The following GABBR2 variants were observed in gnomAD, a reference collection of about 807,000 sequenced individuals.
GABBR2 encodes G-protein coupled receptor 51.
A neutral mutation model predicts 105.6 loss-of-function variants in GABBR2; 23 were observed. The ratio of observed to expected loss-of-function variants is 0.22; its 90% confidence interval spans 0.16 to 0.31. The LOEUF (loss-of-function observed/expected upper bound fraction) is 0.31. GABBR2 is among the 10% of genes least tolerant of loss of function. The pLI is 1.00. For missense variants in GABBR2, 734 were observed against 1,245.5 expected (o/e 0.59, Z 6.18); for synonymous variants, 478 against 499.7 (o/e 0.96, Z 0.58).
At chr9:98,483,912 A>G (rs1246238224) in intron 4 of GABBR2, among the ~76,000 whole-genome samples, 1 of 152,146 alleles carries the variant, frequency 6.6e-6, no homozygotes, top group East Asian at 1.9e-4. Flanking sequence ...ACTTATCTCT[A>G]AGTCCCCAGC....
At chr9:98,527,131 A>G (rs938974342) in intron 3 of GABBR2, among the ~76,000 whole-genome samples, 3 of 148,848 alleles carry the variant, frequency 2.0e-5, no homozygotes, top group African/African-American at 7.3e-5. Context: ...GTATATATAA[A>G]ATAGTGGGTA....
Position 98,317,187 on chromosome 9 carries a change from G to C in GABBR2, c.1894-5982C>G, listed in dbSNP as rs141835793. On this transcript the variant is annotated intron_variant, in intron 13 of 18. Transcript: ENST00000259455. ...ATAAAATGCTCTTTCCTGCCTGGCA[G>C]GGCACCGTGTCCAGCAGTGAGGCCA... Among the ~76,000 whole-genome samples, 499 of 152,312 alleles carry C rather than the reference G, an allele frequency of 3.3e-3. 3 individuals carry two copies. The highest frequency in any genetic ancestry group is 0.011 in the African/African-American group (450 of 41,562).
chr9:98,371,536 G>A lies in GABBR2; in HGVS notation c.1698C>T (p.Thr566=), dbSNP rs775385636. The stretch of plus-strand genomic sequence containing the variant: ...TCTTTGCAAACATGGCCCCAAAAGC[G>A]GTCGTGTAGCCCACGGTGAGAATCC... ...RTWILTVGYT[T]AFGAMFAKTW... The change falls in exon 12 of 19, where the codon ACC becomes ACT. Residue 566 remains threonine, a synonymous_variant. Coordinates refer to ENST00000259455, the MANE Select transcript of GABBR2 (RefSeq NM_005458.8). The A allele has an allele frequency of 6.8e-6, 11 of 1,611,712 alleles. No individual in the cohort carries two copies. Among genetic ancestry groups the A allele is most frequent in the African/African-American group, 2.7e-5 (2 of 74,840 alleles).
intron 5 of GABBR2, 130 bp from the exon 6 acceptor site, chr9:98,473,476 G>C: frequency 1.6e-6 from 1 of 622,800 alleles, no homozygotes; most frequent in Admixed American, 2.7e-5. Flanking sequence ...TACTTGTTTG[G>C]TTTCTTCCTT....
intron 13 of GABBR2, among the ~76,000 whole-genome samples, chr9:98,344,123 C>T (rs1283966451): frequency 2.0e-5 from 3 of 152,062 alleles, no homozygotes; most frequent in African/African-American, 7.2e-5. Flanking sequence ...TGCACAGGAT[C>T]CAGGGTGAGT....
chr9:98,639,192 A>G (rs888072457), intron 1 of GABBR2, among the ~76,000 whole-genome samples: 3 of 152,022 alleles, frequency 2.0e-5, no homozygotes, highest in African/African-American at 4.8e-5. Flanking sequence ...TGAGTGGGTC[A>G]CTCCATCCAG....
At chr9:98,646,678 G>A (rs1223175963) in intron 1 of GABBR2, among the ~76,000 whole-genome samples, 2 of 152,156 alleles carry the variant, frequency 1.3e-5, no homozygotes, top group Admixed American at 6.5e-5. Context: ...GGTCTTGGGT[G>A]ACATTGTTCA....
At chr9:98,516,893 C>T (rs1253985949) in intron 3 of GABBR2, among the ~76,000 whole-genome samples, 1 of 152,262 alleles carries the variant, frequency 6.6e-6, no homozygotes, top group Non-Finnish European at 1.5e-5. Context: ...TGGGCCCCAA[C>T]AGAGCGATTC....
intron 13 of GABBR2, among the ~76,000 whole-genome samples, chr9:98,322,849 TAGTC>T (rs563920538): frequency 1.9e-3 from 287 of 152,202 alleles, no homozygotes; most frequent in African/African-American, 6.5e-3. Context: ...CGGGAGGACT[TAGTC>T]TGTGTTAGAG....
chr9:98,634,899 T>C (rs540060450), intron 1 of GABBR2, among the ~76,000 whole-genome samples: 8 of 152,104 alleles, frequency 5.3e-5, no homozygotes, highest in Non-Finnish European at 8.8e-5. Context: ...CTTAACTACA[T>C]TTAGGTGAGG....
In GABBR2 at chr9:98,707,986, G is replaced by C. The variant is rs553262006; in HGVS notation, c.321+431C>G. ...CCTGGGGGCCTGTGAGCAGGCCCGC[G>C]GCCCCTCCGGCCCTGGGTGGCCCAG... On this transcript the variant is annotated intron_variant, in intron 1 of 18. Coordinates refer to ENST00000259455, the MANE Select transcript of GABBR2 (RefSeq NM_005458.8). Among the ~76,000 whole-genome samples the C allele has an allele frequency of 1.6e-3, 237 of 152,330 alleles. 1 individual carries two copies. The highest frequency in any genetic ancestry group is 5.5e-3 in the African/African-American group (228 of 41,586).
At chr9:98,379,850 C>T (rs1490519877) in intron 11 of GABBR2, among the ~76,000 whole-genome samples, 2 of 151,980 alleles carry the variant, frequency 1.3e-5, no homozygotes, top group Non-Finnish European at 2.9e-5. Flanking sequence ...GAATTGTACA[C>T]ATTAAAAGGG....
At chr9:98,637,494 T>A (rs930517030) in intron 1 of GABBR2, among the ~76,000 whole-genome samples, 1 of 152,160 alleles carries the variant, frequency 6.6e-6, no homozygotes, top group African/African-American at 2.4e-5. Flanking sequence ...AGATTGAAGA[T>A]AAAATTAAGG....
rs556263673 is a variant in GABBR2, at chr9:98,637,756, A to G, written c.322-59684T>C. 2.0e-5 allele frequency among the ~76,000 whole-genome samples: 3 copies of G among 152,332 alleles called. No homozygotes were observed. In the South Asian group the frequency reaches 6.2e-4, roughly 32 times the overall value. On this transcript the variant is annotated intron_variant, in intron 1 of 18. Transcript: ENST00000259455. ...TGTCCCCTAAAGCCTCCAGAAGGAA[A>G]GCAGCTCTGCTGACACCCGGATGTT...
At chr9:98,631,321 C>A (rs1288416990) in intron 1 of GABBR2, among the ~76,000 whole-genome samples, 1 of 152,206 alleles carries the variant, frequency 6.6e-6, no homozygotes, top group African/African-American at 2.4e-5. Flanking sequence ...ACTAACCTTC[C>A]TAAGCCTCAG....
chr9:98,349,924 T>C (rs1443069125), intron 13 of GABBR2, among the ~76,000 whole-genome samples: 3 of 152,188 alleles, frequency 2.0e-5, no homozygotes, highest in Non-Finnish European at 2.9e-5. Flanking sequence ...TTCAATTCTG[T>C]TACTCATTAT....
At chr9:98,501,936 A>G (rs1208089765) in intron 3 of GABBR2, among the ~76,000 whole-genome samples, 5 of 152,210 alleles carry the variant, frequency 3.3e-5, no homozygotes, top group African/African-American at 4.8e-5. Flanking sequence ...CTGTCTGAAC[A>G]GCAGAGACGA....
At chr9:98,325,283 CTTTTTTTTTT>C (rs886288539) in intron 13 of GABBR2, among the ~76,000 whole-genome samples, 5 of 67,652 alleles carry the variant, frequency 7.4e-5, no homozygotes, top group African/African-American at 1.9e-4. Flanking sequence ...GACAGCAATT[CTTTTTTTTTT>C]TTTTTTTTTT....
chr9:98,531,193 C>G (rs147926476), intron 3 of GABBR2, among the ~76,000 whole-genome samples: 77 of 152,246 alleles, frequency 5.1e-4, no homozygotes, highest in African/African-American at 1.6e-3. Context: ...CTCACCCAGC[C>G]CTTCAGGAGC....
Sources: allele counts gnomAD v4.1 joint callset (sites outside exome capture counted in the v4.1 genomes callset), GRCh38; gene constraint gnomAD v4.1.1; transcripts MANE v1.5; gene names NCBI Gene and HGNC (gene_info 2026-07-23, HGNC 2026-07-21).